Variants in BMP1 observed in about 807,000 individuals in gnomAD.
BMP1 encodes the protein mammalian tolloid protein.
BMP1 carries 63 observed loss-of-function variants against 116.8 expected under a neutral mutation model. The observed-to-expected ratio is 0.54, with a 90% confidence interval of 0.44 to 0.67. The LOEUF (loss-of-function observed/expected upper bound fraction) is 0.67, where lower values mean the gene tolerates loss of function less well. Among genes scored for constraint, BMP1 ranks in the 30% least tolerant of loss-of-function variants. The pLI is 0.00. For missense variants in BMP1, 1,183 were observed against 1,358.9 expected (o/e 0.87, Z 2.04); for synonymous variants, 536 against 533.4 (o/e 1.00, Z -0.07).
At chr8:22,188,375 G>T (rs937855568) in intron 8 of BMP1, among the ~76,000 whole-genome samples, 1 of 152,034 alleles carries the variant, frequency 6.6e-6, no homozygotes, top group South Asian at 2.1e-4. Flanking sequence ...TCACTGTATT[G>T]CTCAGGCTGG....
At position 22,177,151 on chromosome 8, in the gene BMP1, C is replaced by T; in HGVS notation, c.730+12C>T. ...GAACATCCAGCCAGGTAGGTACCTG[C>T]CCCTCGGTGCGGCCTTGGTGGGCGG... On this transcript the variant is annotated intron_variant, in intron 5 of 19. Coordinates refer to ENST00000306385, the MANE Select transcript of BMP1 (RefSeq NM_006129.5). 6.3e-7 allele frequency: 1 copy of T among 1,586,574 alleles called. No homozygotes were observed. The highest frequency in any genetic ancestry group is 8.6e-7 in the Non-Finnish European group (1 of 1,163,526).
chr8:22,180,252 C>A, intron 7 of BMP1, 116 bp from the exon 8 acceptor site: 1 of 808,982 alleles, frequency 1.2e-6, no homozygotes, highest in Non-Finnish European at 2.1e-6. Flanking sequence ...GACACCCTCC[C>A]ACTCCTCAGG....
intron 2 of BMP1, 79 bp downstream of exon 2, chr8:22,173,794 C>A: frequency 8.5e-7 from 1 of 1,171,332 alleles, no homozygotes; most frequent in East Asian, 2.6e-5. Flanking sequence ...TCCCTGTTCC[C>A]AGCCAGGCCC....
intron 6 of BMP1, 149 bp downstream of exon 6, chr8:22,178,106 G>A (rs1360185760): frequency 3.0e-5 from 20 of 660,368 alleles, no homozygotes; most frequent in East Asian, 1.4e-4. Context: ...CAGAGGGTCC[G>A]TGGATGTTGC....
chr8:22,200,619 T>C (rs756003033), intron 15 of BMP1, among the ~76,000 whole-genome samples: 1 of 152,154 alleles, frequency 6.6e-6, no homozygotes, highest in Admixed American at 6.5e-5. Flanking sequence ...TGTATGTGTG[T>C]GCCTGTGGAC....
chr8:22,172,025 A>G (rs79210878), intron 1 of BMP1, among the ~76,000 whole-genome samples: 5,866 of 152,280 alleles, frequency 0.039, 361 homozygotes, highest in African/African-American at 0.13. Context: ...CTGTAGGAAC[A>G]CTAACCTTGG....
intron 2 of BMP1, among the ~76,000 whole-genome samples, chr8:22,175,678 G>A (rs915144846): frequency 6.6e-6 from 1 of 152,152 alleles, no homozygotes; most frequent in Non-Finnish European, 1.5e-5. Flanking sequence ...TCTAACTCAT[G>A]CCTCGAAGAA....
chr8:22,211,802 GA>G lies in BMP1; in HGVS notation c.*76del, dbSNP rs1175087235. 1 of 1,605,470 alleles carries G rather than the reference GA, an allele frequency of 6.2e-7. No homozygotes were observed. The highest frequency in any genetic ancestry group is 8.5e-7 in the Non-Finnish European group (1 of 1,176,110). On this transcript the variant is annotated 3_prime_UTR_variant, in exon 20 of 20. Coordinates refer to ENST00000306385, the MANE Select transcript of BMP1 (RefSeq NM_006129.5). ...CTAGACTGGATAGTGGGGGTGGGCG[GA>G]AGGCAACGCACCATCCCTCTCCCCC...
intron 8 of BMP1, among the ~76,000 whole-genome samples, chr8:22,185,082 T>C (rs1160869078): frequency 6.6e-6 from 1 of 152,170 alleles, no homozygotes; most frequent in African/African-American, 2.4e-5. Flanking sequence ...CTCTTGTAAT[T>C]AGCAGCTGGC....
chr8:22,168,807 A>T (rs1258340448), intron 1 of BMP1, among the ~76,000 whole-genome samples: 7 of 151,978 alleles, frequency 4.6e-5, no homozygotes, highest in Non-Finnish European at 1.0e-4. Context: ...GTGAGGAAAA[A>T]ATTTGTACTC....
chr8:22,197,345 TACA>T lies in BMP1; in HGVS notation c.2039_2041del (p.Asn680del). The T allele has an allele frequency of 1.2e-6, 2 of 1,613,994 alleles. No individual in the cohort carries two copies. The highest frequency in any genetic ancestry group is 1.6e-4 in the Middle Eastern group (1 of 6,062). ...GAAGCCCGAGGTCATCACCTCCCAG[TACA>T]ACAACATGCGCGTGGAGTTCAAGTC... On this transcript the variant is annotated inframe_deletion, in exon 15 of 20. Transcript: ENST00000306385.
intron 8 of BMP1, among the ~76,000 whole-genome samples, chr8:22,186,539 C>T (rs961849323): frequency 3.9e-5 from 6 of 151,924 alleles, no homozygotes; most frequent in African/African-American, 1.5e-4. Context: ...ATGATCTCGG[C>T]TTACTGCAAC....
At chr8:22,209,729 T>C in intron 19 of BMP1, 34 bp downstream of exon 19, 1 of 1,442,780 alleles carries the variant, frequency 6.9e-7, no homozygotes, top group Non-Finnish European at 9.3e-7. Context: ...CCTGGCCCCA[T>C]GCCCCACGCC....
rs931139189 is a variant in BMP1 at position 22,207,987 on chromosome 8, G to A, written c.2575+471G>A. On this transcript the variant is annotated intron_variant, in intron 18 of 19. Coordinates refer to ENST00000306385, the MANE Select transcript of BMP1 (RefSeq NM_006129.5). Reference sequence around the variant, plus strand: ...CAACCTCCACTTCCTGGGTTCAAGCGATTCCCCTGCCTCAGCCTCCCGTGT... The same window carrying A: ...CAACCTCCACTTCCTGGGTTCAAGCAATTCCCCTGCCTCAGCCTCCCGTGT... 8.6e-5 allele frequency among the ~76,000 whole-genome samples: 13 copies of A among 152,042 alleles called. 1 individual carries two copies. The highest frequency in any genetic ancestry group is 3.1e-4 in the African/African-American group (13 of 41,400).
intron 1 of BMP1, among the ~76,000 whole-genome samples, chr8:22,173,138 T>C (rs1828329878): frequency 6.6e-6 from 1 of 152,196 alleles, no homozygotes; most frequent in Admixed American, 6.5e-5. Context: ...TGGACCACAG[T>C]AGTATGTTAA....
In BMP1 at chr8:22,203,772, G is replaced by A. The variant is rs531274931; in HGVS notation, c.2233+1844G>A. On this transcript the variant is annotated intron_variant, in intron 16 of 19. Coordinates refer to ENST00000306385, the MANE Select transcript of BMP1 (RefSeq NM_006129.5). ...GACAGTCGAGGGCTTCCAACCCTGT[G>A]ACCTCAGGCTTCCCAAATACACAGT... Among the ~76,000 whole-genome samples, 20 of 152,266 alleles carry A rather than the reference G, an allele frequency of 1.3e-4. No homozygotes were observed. The East Asian group carries it at 3.7e-3, about 28-fold the overall frequency.
chr8:22,169,112 A>G (rs1422714338), intron 1 of BMP1, among the ~76,000 whole-genome samples: 2 of 151,558 alleles, frequency 1.3e-5, no homozygotes, highest in African/African-American at 4.9e-5. Context: ...GGCTGAGTCC[A>G]GGAGCTGGAG....
Position 22,194,763 on chromosome 8 carries a change from G to A in BMP1, c.1483G>A (p.Val495Met). ...HDSCAYDYLE[V>M]RDGHSESSTL... ...CAGCTGTGCCTACGACTATCTGGAG[G>A]TGCGCGACGGGCACAGTGAGAGCAG... Residue 495 changes from valine (V) to methionine (M), a missense_variant, in exon 12 of 20, where the codon GTG (valine) becomes ATG (methionine). By Grantham distance (21) the Val-to-Met change is conservative. This residue lies in a region of BMP1 where 956 missense variants were observed against 1,135.2 expected (regional missense o/e 0.84). Coordinates refer to ENST00000306385, the MANE Select transcript of BMP1 (RefSeq NM_006129.5). This position sits in a 1 kb window ranked among gnomAD's most constrained non-coding sequence, Gnocchi z 4.5. 1.9e-6 allele frequency: 3 copies of A among 1,613,096 alleles called. No homozygotes were observed. Among genetic ancestry groups the A allele is most frequent in the Non-Finnish European group, 2.5e-6 (3 of 1,179,578 alleles).
Position 22,173,630 on chromosome 8 carries a change from C to T in BMP1, c.177C>T (p.Asp59=), listed in dbSNP as rs765667672. The change falls in exon 2 of 20, where the codon GAC becomes GAT. Residue 59 remains aspartate, a synonymous_variant. Coordinates refer to ENST00000306385, the MANE Select transcript of BMP1 (RefSeq NM_006129.5). The stretch of plus-strand genomic sequence containing the variant: ...CCTTTCTTGGGGACATTGCCCTGGA[C>T]GAAGAGGACCTGAGGGCCTTCCAGG... ...AAAFLGDIAL[D]EEDLRAFQVQ... 2.5e-5 allele frequency: 41 copies of T among 1,613,254 alleles called. No individual in the cohort carries two copies. The highest frequency in any genetic ancestry group is 2.9e-5 in the Non-Finnish European group (34 of 1,179,612).
Sources: gnomAD v4.1 joint callset for allele counts (sites outside exome capture counted in the v4.1 genomes callset) on GRCh38, gnomAD v4.1.1 for gene constraint, gnomAD v4.1.1 regional missense constraint, Gnocchi (gnomAD v3.1) non-coding constraint, MANE v1.5 for transcripts, NCBI Gene and HGNC (gene_info 2026-07-23, HGNC 2026-07-21) for gene names.